CDH4: variants seen among roughly 807,000 people sequenced by gnomAD.
CDH4 encodes the protein cadherin 4.
CDH4 carries 33 observed loss-of-function variants against 86.0 expected under a neutral mutation model. The observed-to-expected ratio is 0.38, with a 90% CI of 0.29 to 0.51. CDH4 has a LOEUF of 0.51. Ranked by LOEUF, CDH4 falls within the 20% of genes least tolerant of loss-of-function variation. CDH4 has a pLI of 0.86. For synonymous variants in CDH4, 555 were observed against 549.4 expected (o/e 1.01, Z -0.14); for missense variants, 1,114 against 1,307.4 (o/e 0.85, Z 2.28).
At chr20:61,574,813 T>C (rs2086370610) in intron 2 of CDH4, among the ~76,000 whole-genome samples, 1 of 152,040 alleles carries the variant, frequency 6.6e-6, no homozygotes, top group African/African-American at 2.4e-5. Context: ...AAGTCCAGGG[T>C]TCTCATAGAA....
At chr20:61,575,445 T>C (rs2086375555) in intron 2 of CDH4, among the ~76,000 whole-genome samples, 1 of 152,198 alleles carries the variant, frequency 6.6e-6, no homozygotes, top group Non-Finnish European at 1.5e-5. Flanking sequence ...AAATATTTGT[T>C]GGGTAGTCTA....
chr20:61,352,350 T>G (rs1034859024), intron 2 of CDH4, among the ~76,000 whole-genome samples: 2 of 152,220 alleles, frequency 1.3e-5, no homozygotes, highest in African/African-American at 4.8e-5. Flanking sequence ...CCGATTAAAA[T>G]TTATTTAGTC....
At chr20:61,422,555 A>ATT (rs2085186007) in intron 2 of CDH4, among the ~76,000 whole-genome samples, 1 of 151,154 alleles carries the variant, frequency 6.6e-6, no homozygotes, top group Non-Finnish European at 1.5e-5. Context: ...ACATATGAAT[A>ATT]TTTTTATACT....
Position 61,891,091 on chromosome 20 carries a change from G to A in CDH4, c.1051-3819G>A, listed in dbSNP as rs147441016. ...AAGGAGGGAGAGGGACAACACACCC[G>A]CAAGCACAGAGGGGCAGGGATAGGA... On this transcript the variant is annotated intron_variant, in intron 7 of 15. Transcript: ENST00000614565. Among the ~76,000 whole-genome samples the A allele has an allele frequency of 1.7e-3, 262 of 152,234 alleles. 2 individuals are homozygous for A. The highest frequency in any genetic ancestry group is 5.8e-3 in the African/African-American group (240 of 41,544).
intron 2 of CDH4, among the ~76,000 whole-genome samples, chr20:61,447,221 A>G (rs2085355917): frequency 6.6e-6 from 1 of 151,666 alleles, no homozygotes; most frequent in Admixed American, 6.6e-5. Flanking sequence ...CGGTGGTGCG[A>G]TCTCAGCTCA....
intron 2 of CDH4, among the ~76,000 whole-genome samples, chr20:61,621,572 G>A (rs561551512): frequency 3.3e-5 from 5 of 152,222 alleles, no homozygotes; most frequent in East Asian, 3.9e-4. Context: ...GTCCTTCTCC[G>A]GGAGAACATC....
intron 2 of CDH4, among the ~76,000 whole-genome samples, chr20:61,523,359 C>T (rs141810876): frequency 1.3e-5 from 2 of 152,370 alleles, no homozygotes; most frequent in African/African-American, 2.4e-5. Flanking sequence ...GGTGACCATG[C>T]GTTTGCCACG....
intron 2 of CDH4, among the ~76,000 whole-genome samples, chr20:61,565,222 AGGT>A (rs1228602020): frequency 0.014 from 152 of 10,698 alleles, 26 homozygotes; most frequent in South Asian, 0.024. Context: ...TCTCGGTGGT[AGGT>A]GGTGGTGGTG....
intron 2 of CDH4, among the ~76,000 whole-genome samples, chr20:61,486,138 A>T (rs894759565): frequency 1.3e-5 from 2 of 152,094 alleles, no homozygotes; most frequent in African/African-American, 4.8e-5. Flanking sequence ...CACAAAAGAA[A>T]CTCAGCTAAA....
chr20:61,481,059 A>G (rs73915068), intron 2 of CDH4, among the ~76,000 whole-genome samples: 9,162 of 152,258 alleles, frequency 0.06, 974 homozygotes, highest in African/African-American at 0.21. Flanking sequence ...GAACTTTGCC[A>G]AAGCTGTCAC....
chr20:61,493,067 C>T (rs112346558), intron 2 of CDH4, among the ~76,000 whole-genome samples: 161 of 152,298 alleles, frequency 1.1e-3, no homozygotes, highest in African/African-American at 3.4e-3. Context: ...GAATGAAGTA[C>T]GTAAATTAGA....
Position 61,708,458 on chromosome 20 carries a change from A to C in CDH4, c.170-35105A>C, listed in dbSNP as rs962618595. The stretch of plus-strand genomic sequence containing the variant: ...GACTGCAGCATCCACCTCCTGCCAC[A>C]GTCAGGGGGCTATGGAGAAACCCAA... On this transcript the variant is annotated intron_variant, in intron 2 of 15. Transcript: ENST00000614565. The surrounding 1 kb of genome is among the most constrained non-coding windows in gnomAD (Gnocchi z 4.5). Among the ~76,000 whole-genome samples the C allele has an allele frequency of 6.6e-6, 1 of 152,110 alleles. No individual in the cohort carries two copies. Among genetic ancestry groups the C allele is most frequent in the Non-Finnish European group, 1.5e-5 (1 of 68,008 alleles).
intron 2 of CDH4, among the ~76,000 whole-genome samples, chr20:61,678,182 CATAG>C (rs146958229): frequency 0.03 from 4,496 of 151,764 alleles, 141 homozygotes; most frequent in South Asian, 0.12. Context: ...ATGGATGATA[CATAG>C]ATAGATGCAT....
At chr20:61,689,142 A>G (rs1474915132) in intron 2 of CDH4, among the ~76,000 whole-genome samples, 5 of 152,248 alleles carry the variant, frequency 3.3e-5, no homozygotes, top group African/African-American at 1.2e-4. Flanking sequence ...AAGTCTAAGT[A>G]ACGCAGTTGG....
chr20:61,493,881 A>T (rs909161188), intron 2 of CDH4, among the ~76,000 whole-genome samples: 1 of 152,152 alleles, frequency 6.6e-6, no homozygotes, highest in Non-Finnish European at 1.5e-5. Flanking sequence ...GGCCCGTACA[A>T]ATTGCCATGG....
At chr20:61,638,793 C>T (rs1002066128) in intron 2 of CDH4, among the ~76,000 whole-genome samples, 5 of 152,086 alleles carry the variant, frequency 3.3e-5, no homozygotes, top group African/African-American at 7.2e-5. Flanking sequence ...GGATGGATGA[C>T]GGATGGGTTA....
rs146017259 is a variant in CDH4, at chr20:61,656,663, G to A, written c.170-86900G>A. Among the ~76,000 whole-genome samples, 1,132 of 152,288 alleles carry A rather than the reference G, an allele frequency of 7.4e-3. 13 individuals are homozygous for A. The highest frequency in any genetic ancestry group is 0.026 in the African/African-American group (1,092 of 41,550). On this transcript the variant is annotated intron_variant, in intron 2 of 15. Coordinates refer to ENST00000614565, the MANE Select transcript of CDH4 (RefSeq NM_001794.5). Reference sequence around the variant, plus strand: ...CCTGGGTGGGTAGATGTGCTTCCCTGTGTCTGACCAGGTCACCTGCCATTC... The same window carrying A: ...CCTGGGTGGGTAGATGTGCTTCCCTATGTCTGACCAGGTCACCTGCCATTC...
chr20:61,656,948 C>A (rs1334429750), intron 2 of CDH4, among the ~76,000 whole-genome samples: 6 of 152,208 alleles, frequency 3.9e-5, no homozygotes, highest in African/African-American at 9.6e-5. Flanking sequence ...CCCAGAAACG[C>A]CCACCTGGGA....
chr20:61,491,001 G>A (rs1476048408), intron 2 of CDH4, among the ~76,000 whole-genome samples: 1 of 152,144 alleles, frequency 6.6e-6, no homozygotes, highest in Non-Finnish European at 1.5e-5. Context: ...CGCCCACACT[G>A]GATACCAAAT....
Sources: allele counts gnomAD v4.1 joint callset (sites outside exome capture counted in the v4.1 genomes callset), GRCh38; gene constraint gnomAD v4.1.1; non-coding constraint Gnocchi (gnomAD v3.1); transcripts MANE v1.5; gene names NCBI Gene and HGNC (gene_info 2026-07-23, HGNC 2026-07-21).